The following ITPR2 variants were observed in gnomAD, a reference collection of about 807,000 sequenced individuals.
The protein encoded by ITPR2 is inositol 1,4,5-trisphosphate-gated calcium channel ITPR2.
In ITPR2, 207 loss-of-function variants were observed where a neutral mutation model predicts 317.1. The ratio of observed to expected loss-of-function variants is 0.65; its 90% CI spans 0.58 to 0.73. ITPR2 has a LOEUF of 0.73. ITPR2 is among the 30% of genes least tolerant of loss of function. The pLI is 0.00. For missense variants in ITPR2, 2,613 were observed against 3,284.0 expected (o/e 0.80, Z 4.99); for synonymous variants, 1,156 against 1,149.1 (o/e 1.01, Z -0.12).
intron 45 of ITPR2, among the ~76,000 whole-genome samples, chr12:26,454,914 T>C (rs1941842404): frequency 6.6e-6 from 1 of 152,218 alleles, no homozygotes; most frequent in Admixed American, 6.5e-5. Flanking sequence ...GTGCTCCTAA[T>C]GCTCCTTAAG....
chr12:26,710,425 T>G (rs12578750), intron 9 of ITPR2, among the ~76,000 whole-genome samples: 34,288 of 152,226 alleles, frequency 0.23, 4,114 homozygotes, highest in Non-Finnish European at 0.27. Context: ...CATATACAAA[T>G]CCTGAAATCT....
intron 37 of ITPR2, among the ~76,000 whole-genome samples, chr12:26,507,455 A>G (rs1468515340): frequency 6.6e-6 from 1 of 152,222 alleles, no homozygotes; most frequent in African/African-American, 2.4e-5. Flanking sequence ...ACCGTGATAG[A>G]TATTTCACTA....
intron 32 of ITPR2, among the ~76,000 whole-genome samples, chr12:26,594,536 T>A (rs1430109325): frequency 6.6e-6 from 1 of 152,062 alleles, no homozygotes; most frequent in Admixed American, 6.6e-5. Flanking sequence ...TACATCTATA[T>A]AAGGCCTATA....
chr12:26,622,120 A>G (rs757779388), intron 25 of ITPR2, 120 bp downstream of exon 25: 78 of 783,332 alleles, frequency 1.0e-4, no homozygotes, highest in Non-Finnish European at 1.3e-4. Flanking sequence ...TTAAAAATAG[A>G]AAGTGTCTCC....
intron 21 of ITPR2, among the ~76,000 whole-genome samples, chr12:26,647,572 T>C (rs1947140714): frequency 6.6e-6 from 1 of 152,224 alleles, no homozygotes; most frequent in African/African-American, 2.4e-5. Flanking sequence ...TGCATTTGCT[T>C]TTAACTTCTA....
intron 39 of ITPR2, among the ~76,000 whole-genome samples, chr12:26,489,954 C>T (rs1161485669): frequency 6.6e-6 from 1 of 152,150 alleles, no homozygotes; most frequent in Non-Finnish European, 1.5e-5. Flanking sequence ...AAGATTTGAG[C>T]TAATCTCAAC....
At chr12:26,491,573 C>T (rs539263988) in intron 39 of ITPR2, among the ~76,000 whole-genome samples, 1 of 150,402 alleles carries the variant, frequency 6.6e-6, no homozygotes, top group African/African-American at 2.4e-5. Context: ...AGGGACACCT[C>T]TTAGAAGACT....
intron 1 of ITPR2, among the ~76,000 whole-genome samples, chr12:26,803,444 A>C (rs530807340): frequency 6.6e-6 from 1 of 152,360 alleles, no homozygotes; most frequent in African/African-American, 2.4e-5. Context: ...GTAAGTGATG[A>C]TATAGCAGAA....
At chr12:26,474,665 G>A (rs896910916) in intron 45 of ITPR2, among the ~76,000 whole-genome samples, 4 of 150,464 alleles carry the variant, frequency 2.7e-5, no homozygotes, top group Non-Finnish European at 6.0e-5. Flanking sequence ...GTAGTGGCGG[G>A]CGCCTGTAGT....
At chr12:26,821,995 T>A (rs886400622) in intron 1 of ITPR2, among the ~76,000 whole-genome samples, 1 of 152,210 alleles carries the variant, frequency 6.6e-6, no homozygotes, top group Non-Finnish European at 1.5e-5. Context: ...GCTCTCATCT[T>A]TAGTTCTGAT....
intron 44 of ITPR2, among the ~76,000 whole-genome samples, chr12:26,476,677 A>T (rs941543859): frequency 4.6e-5 from 7 of 152,188 alleles, no homozygotes; most frequent in Non-Finnish European, 8.8e-5. Context: ...TAGTGTGATA[A>T]GTTGGCTAAG....
chr12:26,700,053 G>A (rs1405947334), intron 9 of ITPR2, among the ~76,000 whole-genome samples: 2 of 152,118 alleles, frequency 1.3e-5, no homozygotes, highest in Non-Finnish European at 2.9e-5. Flanking sequence ...AGAGAATATG[G>A]TCCCTGACCA....
chr12:26,650,117 T>TA (rs1947212663), intron 21 of ITPR2, among the ~76,000 whole-genome samples: 3 of 152,248 alleles, frequency 2.0e-5, no homozygotes, highest in East Asian at 1.9e-4. Context: ...TGGAATTCAC[T>TA]AAAAAATATG....
At chr12:26,362,940 C>A (rs1255699652) in intron 55 of ITPR2, among the ~76,000 whole-genome samples, 1 of 152,114 alleles carries the variant, frequency 6.6e-6, no homozygotes, top group African/African-American at 2.4e-5. Context: ...CCCAATGCTC[C>A]CCAAGACACA....
chr12:26,410,195 C>T (rs1940495519), intron 52 of ITPR2, among the ~76,000 whole-genome samples: 1 of 152,144 alleles, frequency 6.6e-6, no homozygotes. Context: ...ATTTTAGAAA[C>T]TGCAGAGCAC....
intron 37 of ITPR2, among the ~76,000 whole-genome samples, chr12:26,509,555 T>A (rs1943273347): frequency 6.6e-6 from 1 of 152,228 alleles, no homozygotes; most frequent in African/African-American, 2.4e-5. Context: ...CATAAAGTTC[T>A]GCATTTAGGT....
intron 32 of ITPR2, among the ~76,000 whole-genome samples, chr12:26,581,109 C>T (rs960299806): frequency 7.2e-5 from 11 of 152,020 alleles, no homozygotes; most frequent in African/African-American, 2.7e-4. Context: ...TTAGACCATC[C>T]AAATTTTTAT....
rs1346488478 is a variant in ITPR2, at chr12:26,430,284, C to T, written c.6770-2196G>A. Among the ~76,000 whole-genome samples, 6 of 152,196 alleles carry T rather than the reference C, an allele frequency of 3.9e-5. No homozygotes were observed. In the East Asian group the frequency reaches 1.2e-3, roughly 29 times the overall value. ...CTCTAGAGAAGACAGTACAGATTTT[C>T]TTTGAGTCTTGCTCTGTCACCCAGG... On this transcript the variant is annotated intron_variant, in intron 48 of 56. Coordinates refer to ENST00000381340, the MANE Select transcript of ITPR2 (RefSeq NM_002223.4).
chr12:26,401,481 G>A (rs571266791), intron 52 of ITPR2, among the ~76,000 whole-genome samples: 32 of 152,254 alleles, frequency 2.1e-4, no homozygotes, highest in African/African-American at 7.7e-4. Context: ...TTCTTATTTT[G>A]TTTAAAGGTA....
Sources: gnomAD v4.1 joint callset for allele counts (sites outside exome capture counted in the v4.1 genomes callset) on GRCh38, gnomAD v4.1.1 for gene constraint, MANE v1.5 for transcripts, NCBI Gene and HGNC (gene_info 2026-07-23, HGNC 2026-07-21) for gene names.